The following SPOCK1 variants were observed in gnomAD, a reference collection of about 807,000 sequenced individuals.
SPOCK1 encodes the protein testican-1.
Under a neutral mutation model 55.3 loss-of-function variants are expected in SPOCK1, and 23 were observed. The observed-to-expected ratio is 0.42, with a 90% confidence interval of 0.30 to 0.59. The LOEUF (loss-of-function observed/expected upper bound fraction) is 0.59, where lower values mean the gene tolerates loss of function less well. SPOCK1 is among the 20% of genes least tolerant of loss of function. SPOCK1 has a pLI of 0.22. For missense variants in SPOCK1, 499 were observed against 552.5 expected, an observed-to-expected ratio of 0.90 and a Z score of 0.97; for synonymous variants, 226 against 221.0, an observed-to-expected ratio of 1.02 and a Z score of -0.20.
At chr5:137,426,105 T>C (rs966141534) in intron 2 of SPOCK1, among the ~76,000 whole-genome samples, 2 of 152,134 alleles carry the variant, frequency 1.3e-5, no homozygotes, top group African/African-American at 2.4e-5. Context: ...CTTTGAAGGA[T>C]TGCTATAGTT....
intron 6 of SPOCK1, among the ~76,000 whole-genome samples, chr5:137,004,251 T>G (rs1237130742): frequency 6.6e-6 from 1 of 152,164 alleles, no homozygotes; most frequent in African/African-American, 2.4e-5. Flanking sequence ...TGCATTATCA[T>G]GCTTCCAGTG....
rs555563065 is a variant in SPOCK1 at position 137,063,190 on chromosome 5, G to A, written c.589+4525C>T. 6.2e-5 allele frequency among the ~76,000 whole-genome samples: 9 copies of A among 145,326 alleles called. No homozygotes were observed. The South Asian group carries it at 1.3e-3, about 21-fold the overall frequency. ...GGAGCTTGCAGTGAGCCGAGATTGC[G>A]CCACTGCAGTCCGCAGTCCGGCCTG... is the stretch of plus-strand genomic sequence containing the variant. On this transcript the variant is annotated intron_variant, in intron 6 of 10. Coordinates refer to ENST00000394945, the MANE Select transcript of SPOCK1 (RefSeq NM_004598.4).
intron 2 of SPOCK1, among the ~76,000 whole-genome samples, chr5:137,471,465 A>G (rs897522667): frequency 2.0e-5 from 3 of 152,206 alleles, no homozygotes; most frequent in African/African-American, 7.2e-5. Context: ...AATGGAATAC[A>G]AGTAACATGC....
At chr5:137,026,628 C>CAT (rs1360034285) in intron 6 of SPOCK1, among the ~76,000 whole-genome samples, 1 of 152,146 alleles carries the variant, frequency 6.6e-6, no homozygotes, top group African/African-American at 2.4e-5. Context: ...TGTCCACACA[C>CAT]ACACCCTCTA....
At chr5:137,183,984 A>T (rs907492380) in intron 3 of SPOCK1, among the ~76,000 whole-genome samples, 2 of 152,206 alleles carry the variant, frequency 1.3e-5, no homozygotes, top group African/African-American at 4.8e-5. Context: ...CAACACACTT[A>T]GCACAGTGGC....
intron 2 of SPOCK1, among the ~76,000 whole-genome samples, chr5:137,373,430 G>A (rs1751244392): frequency 1.3e-5 from 2 of 152,174 alleles, no homozygotes; most frequent in Admixed American, 6.5e-5. Context: ...AGACAAGGGT[G>A]GGTTTCACCT....
chr5:137,199,277 A>G (rs549112715), intron 3 of SPOCK1, among the ~76,000 whole-genome samples: 11 of 152,220 alleles, frequency 7.2e-5, no homozygotes, highest in Non-Finnish European at 5.9e-5. Context: ...ACATGGCATC[A>G]GTCTGACACA....
chr5:137,064,118 C>A (rs1328457031), intron 6 of SPOCK1, among the ~76,000 whole-genome samples: 1 of 152,044 alleles, frequency 6.6e-6, no homozygotes, highest in Admixed American at 6.5e-5. Flanking sequence ...GAATGAACAC[C>A]ACTGGCCTAA....
intron 6 of SPOCK1, among the ~76,000 whole-genome samples, chr5:137,060,632 AT>A (rs887371378): frequency 8.7e-6 from 1 of 114,786 alleles, no homozygotes; most frequent in Admixed American, 8.4e-5. Flanking sequence ...AATTTTGTAC[AT>A]AAAAAAAAAA....
At chr5:136,979,779 C>A (rs867547194) in intron 9 of SPOCK1, among the ~76,000 whole-genome samples, 1 of 152,138 alleles carries the variant, frequency 6.6e-6, no homozygotes, top group African/African-American at 2.4e-5. Flanking sequence ...CATACATTTG[C>A]AGAATCTCTT....
chr5:137,289,645 T>C (rs768208925), intron 2 of SPOCK1, among the ~76,000 whole-genome samples: 24 of 152,122 alleles, frequency 1.6e-4, no homozygotes, highest in Non-Finnish European at 3.2e-4. Context: ...TTCCCAGATC[T>C]TGCTTTAAAA....
chr5:137,497,501 G>C (rs1037647495), intron 2 of SPOCK1, among the ~76,000 whole-genome samples: 2 of 152,178 alleles, frequency 1.3e-5, no homozygotes, highest in Non-Finnish European at 2.9e-5. Flanking sequence ...TGGCCAGCTG[G>C]GGCAGTCCTT....
At chr5:137,112,931 C>T (rs1407866666) in intron 4 of SPOCK1, among the ~76,000 whole-genome samples, 2 of 152,062 alleles carry the variant, frequency 1.3e-5, no homozygotes, top group Non-Finnish European at 2.9e-5. Context: ...GAGAACAGCA[C>T]CCCAAAGTCT....
At chr5:136,997,311 C>T (rs1002733212) in intron 6 of SPOCK1, among the ~76,000 whole-genome samples, 1 of 152,168 alleles carries the variant, frequency 6.6e-6, no homozygotes, top group African/African-American at 2.4e-5. Flanking sequence ...CTTATCTCCA[C>T]TGCCTCTATT....
At chr5:137,369,915 C>G (rs550110013) in intron 2 of SPOCK1, among the ~76,000 whole-genome samples, 1 of 152,302 alleles carries the variant, frequency 6.6e-6, no homozygotes, top group East Asian at 1.9e-4. Flanking sequence ...TACCATCACA[C>G]TGGGGGTCAG....
chr5:137,160,983 A>G (rs1052474518), intron 3 of SPOCK1, among the ~76,000 whole-genome samples: 1 of 140,320 alleles, frequency 7.1e-6, no homozygotes, highest in African/African-American at 2.7e-5. Flanking sequence ...AATGCCCATC[A>G]ATCAATGAAT....
intron 3 of SPOCK1, among the ~76,000 whole-genome samples, chr5:137,163,578 A>C (rs1000455352): frequency 3.3e-5 from 5 of 152,204 alleles, no homozygotes; most frequent in African/African-American, 1.2e-4. Flanking sequence ...TTACCATCTC[A>C]CTAAATCCTC....
chr5:137,427,517 C>T (rs1020754409), intron 2 of SPOCK1, among the ~76,000 whole-genome samples: 1 of 152,164 alleles, frequency 6.6e-6, no homozygotes, highest in African/African-American at 2.4e-5. Flanking sequence ...CAGAATCCCC[C>T]ATGGAGTAAG....
chr5:137,463,710 G>A (rs1753541732), intron 2 of SPOCK1, among the ~76,000 whole-genome samples: 1 of 152,158 alleles, frequency 6.6e-6, no homozygotes. Flanking sequence ...AGCACTTTGA[G>A]AGGCCAAGGT....
Sources: allele counts gnomAD v4.1 joint callset (sites outside exome capture counted in the v4.1 genomes callset), GRCh38; gene constraint gnomAD v4.1.1; transcripts MANE v1.5; gene names NCBI Gene and HGNC (gene_info 2026-07-23, HGNC 2026-07-21).